Variants in GABRA1 observed in about 807,000 individuals in gnomAD.
GABRA1 encodes the protein gamma-aminobutyric acid receptor subunit alpha-1.
GABRA1 carries 9 observed loss-of-function variants against 48.9 expected under a neutral mutation model. The observed-to-expected ratio is 0.18, with a 90% CI of 0.11 to 0.32. The LOEUF is 0.32. GABRA1 is among the 10% of genes least tolerant of loss of function. The pLI, the probability that GABRA1 is intolerant of heterozygous loss-of-function variation, is 1.00. For synonymous variants in GABRA1, 210 were observed against 198.7 expected (o/e 1.06, Z -0.48); for missense variants, 285 against 553.8 (o/e 0.51, Z 4.87).
At chr5:161,864,462 T>G (rs1222512843) in intron 3 of GABRA1, among the ~76,000 whole-genome samples, 3 of 152,106 alleles carry the variant, frequency 2.0e-5, no homozygotes, top group Non-Finnish European at 4.4e-5. Flanking sequence ...AAATTTATAC[T>G]GACAGTCTTA....
intron 6 of GABRA1, among the ~76,000 whole-genome samples, chr5:161,876,943 C>CT (rs1199089221): frequency 2.6e-5 from 4 of 152,038 alleles, no homozygotes; most frequent in East Asian, 1.9e-4. Context: ...TACTGGTATA[C>CT]TTTTTTTAAG....
chr5:161,893,030 T>A (rs866085300), intron 8 of GABRA1, among the ~76,000 whole-genome samples: 3,094 of 137,038 alleles, frequency 0.023, 180 homozygotes, highest in African/African-American at 0.078. Flanking sequence ...ATAATAATAA[T>A]AATAATAATA....
At chr5:161,874,385 G>C (rs1184835778) in intron 5 of GABRA1, among the ~76,000 whole-genome samples, 1 of 152,102 alleles carries the variant, frequency 6.6e-6, no homozygotes, top group Non-Finnish European at 1.5e-5. Flanking sequence ...ATGGACACAT[G>C]TGTTGAGAAC....
intron 8 of GABRA1, among the ~76,000 whole-genome samples, chr5:161,895,462 C>T (rs1170100309): frequency 1.3e-5 from 2 of 151,422 alleles, no homozygotes; most frequent in African/African-American, 2.5e-5. Flanking sequence ...TACAAGATAT[C>T]CCCCTCAATG....
In GABRA1 at chr5:161,882,686, G is replaced by T; in HGVS notation, c.688G>T (p.Val230Phe). 1 of 1,613,482 alleles carries T rather than the reference G, an allele frequency of 6.2e-7. No individual in the cohort carries two copies. Among genetic ancestry groups the T allele is most frequent in the Non-Finnish European group, 8.5e-7 (1 of 1,179,646 alleles). The change falls in exon 7 of 10, where the codon GTC becomes TTC. Residue 230 changes from valine to phenylalanine, a missense_variant. Val to Phe is a conservative substitution (Grantham distance 50). Transcript: ENST00000393943. The stretch of plus-strand genomic sequence containing the variant: ...TGGACAAACAGTAGACTCTGGAATT[G>T]TCCAGTCAAGTACAGGTAAGTACGA... ...LLGQTVDSGI[V>F]QSSTGEYVVM... is the part of the protein sequence containing the mutation.
upstream of GABRA1, chr5:161,848,068 C>G (rs998402914): frequency 2.0e-5 from 3 of 152,222 alleles, no homozygotes; most frequent in African/African-American, 7.2e-5. Context: ...GATCCAGAGG[C>G]TGGTACCACC....
chr5:161,875,974 A>G (rs933061040), intron 6 of GABRA1, among the ~76,000 whole-genome samples: 12 of 152,168 alleles, frequency 7.9e-5, no homozygotes, highest in Non-Finnish European at 1.6e-4. Flanking sequence ...AATGGAGATC[A>G]TTGTGTCTAT....
chr5:161,876,203 G>A (rs1192181239), intron 6 of GABRA1, among the ~76,000 whole-genome samples: 4 of 148,632 alleles, frequency 2.7e-5, no homozygotes, highest in African/African-American at 1.0e-4. Flanking sequence ...ATATATATTA[G>A]TGCTCTTGAA....
At chr5:161,886,414 A>G (rs1379008696) in intron 7 of GABRA1, among the ~76,000 whole-genome samples, 1 of 151,894 alleles carries the variant, frequency 6.6e-6, no homozygotes. Context: ...AATGCATGTA[A>G]ACTGCCTAGA....
At chr5:161,873,627 C>T (rs1334341604) in intron 5 of GABRA1, among the ~76,000 whole-genome samples, 2 of 152,004 alleles carry the variant, frequency 1.3e-5, no homozygotes, top group Admixed American at 1.3e-4. Flanking sequence ...TCATATATTC[C>T]TTCATTCCAG....
chr5:161,871,463 A>G (rs1015179637), intron 4 of GABRA1, among the ~76,000 whole-genome samples: 2 of 152,160 alleles, frequency 1.3e-5, no homozygotes, highest in African/African-American at 4.8e-5. Context: ...TGTCATCCAG[A>G]GAGGAAAACC....
intron 3 of GABRA1, among the ~76,000 whole-genome samples, chr5:161,856,875 G>A (rs915010291): frequency 1.3e-5 from 2 of 151,152 alleles, no homozygotes; most frequent in African/African-American, 4.8e-5. Flanking sequence ...TTAGAGAAAT[G>A]TGATAATACC....
chr5:161,865,005 T>C (rs1298342803), intron 3 of GABRA1, among the ~76,000 whole-genome samples: 2 of 152,036 alleles, frequency 1.3e-5, no homozygotes, highest in African/African-American at 4.8e-5. Context: ...AATGGCAGTA[T>C]TTCTCTGGAA....
intron 7 of GABRA1, among the ~76,000 whole-genome samples, chr5:161,889,995 C>T (rs1269795529): frequency 2.0e-5 from 3 of 151,894 alleles, no homozygotes; most frequent in Non-Finnish European, 4.4e-5. Context: ...TGACTACAGC[C>T]TATATTAACC....
chr5:161,866,099 T>C (rs1405222501), intron 4 of GABRA1, among the ~76,000 whole-genome samples: 1 of 152,120 alleles, frequency 6.6e-6, no homozygotes, highest in African/African-American at 2.4e-5. Context: ...TGTTTCATTT[T>C]AGTTAGCAGG....
chr5:161,872,799 T>G (rs771664988), intron 4 of GABRA1, among the ~76,000 whole-genome samples: 1 of 152,202 alleles, frequency 6.6e-6, no homozygotes, highest in Non-Finnish European at 1.5e-5. Flanking sequence ...TGATATATTC[T>G]ATTTCTTCTA....
chr5:161,861,242 G>A (rs1757848084), intron 3 of GABRA1, among the ~76,000 whole-genome samples: 1 of 151,742 alleles, frequency 6.6e-6, no homozygotes. Context: ...CTGCATGCTT[G>A]TATCCAAACA....
chr5:161,891,261 G>A (rs969151223), intron 8 of GABRA1, among the ~76,000 whole-genome samples: 1 of 152,062 alleles, frequency 6.6e-6, no homozygotes. Flanking sequence ...TGAATAGATG[G>A]CATTAATGAA....
intron 7 of GABRA1, among the ~76,000 whole-genome samples, chr5:161,888,015 G>A (rs982897011): frequency 2.6e-5 from 4 of 152,106 alleles, no homozygotes; most frequent in Non-Finnish European, 1.5e-5. Flanking sequence ...CTTTAATGCT[G>A]TTTTGAAAAA....
Sources: allele counts gnomAD v4.1 joint callset (sites outside exome capture counted in the v4.1 genomes callset), GRCh38; gene constraint gnomAD v4.1.1; transcripts MANE v1.5; gene names NCBI Gene and HGNC (gene_info 2026-07-23, HGNC 2026-07-21).